GABRA2: variants seen among roughly 807,000 people sequenced by gnomAD.
GABRA2 encodes gamma-aminobutyric acid type A receptor subunit alpha2.
Under a neutral mutation model 48.7 loss-of-function variants are expected in GABRA2, and 16 were observed. The observed-to-expected ratio is 0.33, with a 90% CI of 0.22 to 0.50. GABRA2 has a LOEUF of 0.50. GABRA2 is among the 20% of genes least tolerant of loss of function. The probability of loss-of-function intolerance (pLI) is 0.98; values close to 1 mark genes in which losing one functional copy is unlikely to be tolerated. For synonymous variants in GABRA2, 185 were observed against 184.5 expected, an observed-to-expected ratio of 1.00 and a Z score of -0.02; for missense variants, 275 against 535.6, an observed-to-expected ratio of 0.51 and a Z score of 4.80.
chr4:46,275,399 T>A (rs1720289383), intron 8 of GABRA2, among the ~76,000 whole-genome samples: 1 of 152,078 alleles, frequency 6.6e-6, no homozygotes, highest in Admixed American at 6.6e-5. Context: ...TCACATCAAA[T>A]GAAACCAGTT....
intron 6 of GABRA2, among the ~76,000 whole-genome samples, chr4:46,307,940 A>G (rs184328539): frequency 6.6e-6 from 1 of 152,302 alleles, no homozygotes; most frequent in Admixed American, 6.5e-5. Context: ...GGTCATAATA[A>G]TGTTTCTCAA....
At chr4:46,336,379 T>C (rs1732239027) in intron 3 of GABRA2, among the ~76,000 whole-genome samples, 2 of 152,210 alleles carry the variant, frequency 1.3e-5, no homozygotes, top group African/African-American at 4.8e-5. Flanking sequence ...AGGGAAAGAA[T>C]GTACTTGAAG....
chr4:46,338,448 T>C (rs1732642735), intron 3 of GABRA2, among the ~76,000 whole-genome samples: 2 of 152,094 alleles, frequency 1.3e-5, no homozygotes, highest in African/African-American at 4.8e-5. Context: ...TTTTAGGTTA[T>C]TGCATTAGCC....
intron 4 of GABRA2, among the ~76,000 whole-genome samples, chr4:46,321,940 A>G (rs190583188): frequency 7.9e-5 from 12 of 152,094 alleles, no homozygotes; most frequent in Non-Finnish European, 1.8e-4. Flanking sequence ...TGGTGACTGC[A>G]ATAAGGAGGT....
Position 46,331,171 on chromosome 4 carries a change from C to A in GABRA2, c.255+1444G>T, listed in dbSNP as rs1578077325. On this transcript the variant is annotated intron_variant, in intron 4 of 9. Transcript: ENST00000381620. Reference sequence around the variant, plus strand: ...TCTTGTACCAGAATTGTGCCTAAGACCCAGAGTTGAAGGAGAAAAATAAAA... The same window carrying A: ...TCTTGTACCAGAATTGTGCCTAAGAACCAGAGTTGAAGGAGAAAAATAAAA... 3.9e-5 allele frequency among the ~76,000 whole-genome samples: 6 copies of A among 152,228 alleles called. No individual in the cohort carries two copies. The South Asian group carries it at 1.2e-3, about 32-fold the overall frequency.
intron 8 of GABRA2, among the ~76,000 whole-genome samples, chr4:46,279,081 A>G (rs1260257077): frequency 6.6e-6 from 1 of 152,050 alleles, no homozygotes; most frequent in East Asian, 1.9e-4. Flanking sequence ...TTAGTGTCAG[A>G]GTGACAGCAG....
intron 8 of GABRA2, among the ~76,000 whole-genome samples, chr4:46,284,443 A>C (rs1339378673): frequency 1.3e-5 from 2 of 152,200 alleles, no homozygotes; most frequent in African/African-American, 4.8e-5. Flanking sequence ...CTTTTTGTTC[A>C]AGGATGTAAA....
intron 3 of GABRA2, among the ~76,000 whole-genome samples, chr4:46,355,762 C>T (rs1242669059): frequency 6.6e-6 from 1 of 152,088 alleles, no homozygotes; most frequent in African/African-American, 2.4e-5. Flanking sequence ...TGTATGTTTT[C>T]CATCTTGCTT....
At chr4:46,362,408 C>A (rs1713353367) in intron 3 of GABRA2, among the ~76,000 whole-genome samples, 1 of 151,390 alleles carries the variant, frequency 6.6e-6, no homozygotes. Flanking sequence ...ACTGTAAGTC[C>A]ATTAAAGTCC....
chr4:46,289,915 T>TTA, intron 8 of GABRA2, among the ~76,000 whole-genome samples: 1 of 125,140 alleles, frequency 8.0e-6, no homozygotes, highest in South Asian at 2.2e-4. Flanking sequence ...TTATTTTTAT[T>TTA]TTTTTTTTTT....
Position 46,388,844 on chromosome 4 carries a change from G to T in GABRA2, c.-10-128C>A. 2.7e-6 allele frequency: 4 copies of T among 1,500,268 alleles called. No homozygotes were observed. In the Admixed American group the frequency reaches 9.3e-5, roughly 35 times the overall value. The allele number at this position is 1,500,268 out of a possible 1,614,324, so 92.9% of individuals were successfully genotyped here. On this transcript the variant is annotated intron_variant, in intron 1 of 9. Transcript: ENST00000381620. ...TTAAAGCTATGGAGATTACTTCCTGGACTCTGTGTAGGACTTGATGATTGA... is the reference window on the plus strand; with the variant it reads ...TTAAAGCTATGGAGATTACTTCCTGTACTCTGTGTAGGACTTGATGATTGA...
At chr4:46,262,454 A>C (rs2109353141) in intron 8 of GABRA2, among the ~76,000 whole-genome samples, 1 of 152,262 alleles carries the variant, frequency 6.6e-6, no homozygotes, top group East Asian at 1.9e-4. Context: ...TACAAGGAAA[A>C]GCAGGCACTT....
chr4:46,263,072 C>T (rs995044176), intron 8 of GABRA2, among the ~76,000 whole-genome samples: 14 of 151,522 alleles, frequency 9.2e-5, no homozygotes, highest in East Asian at 5.8e-4. Context: ...CAAATACACA[C>T]GTACATATAT....
intron 9 of GABRA2, 199 bp downstream of exon 9, chr4:46,261,727 G>T (rs1020090046): frequency 3.3e-6 from 2 of 615,034 alleles, no homozygotes; most frequent in Non-Finnish European, 5.7e-6. Flanking sequence ...CAGATGCTAC[G>T]GAGTGGTTTT....
intron 3 of GABRA2, among the ~76,000 whole-genome samples, chr4:46,385,714 T>C (rs1717355817): frequency 6.6e-6 from 1 of 152,098 alleles, no homozygotes; most frequent in Non-Finnish European, 1.5e-5. Flanking sequence ...CATGAAAATA[T>C]GATCAAAGAA....
At chr4:46,262,956 A>AAGAG (rs889064929) in intron 8 of GABRA2, among the ~76,000 whole-genome samples, 1,220 of 30,948 alleles carry the variant, frequency 0.039, 13 homozygotes, top group South Asian at 0.059. Context: ...GAAAGAAAGA[A>AAGAG]AGAGAGAGAG....
At chr4:46,324,133 G>T (rs1372407328) in intron 4 of GABRA2, among the ~76,000 whole-genome samples, 1 of 151,830 alleles carries the variant, frequency 6.6e-6, no homozygotes, top group Admixed American at 6.6e-5. Flanking sequence ...CCGCAATCTG[G>T]TTGCTTTTAC....
chr4:46,255,388 G>A (rs1715615153), intron 9 of GABRA2, among the ~76,000 whole-genome samples: 1 of 151,552 alleles, frequency 6.6e-6, no homozygotes, highest in Admixed American at 6.6e-5. Flanking sequence ...TCTCCTGAAT[G>A]TCTTCAATTT....
chr4:46,304,972 T>G (rs1001134493), intron 7 of GABRA2, among the ~76,000 whole-genome samples: 1 of 149,996 alleles, frequency 6.7e-6, no homozygotes, highest in Admixed American at 6.7e-5. Context: ...AAATTAAAAT[T>G]TACTACTCTG....
Sources: allele counts gnomAD v4.1 joint callset (sites outside exome capture counted in the v4.1 genomes callset), GRCh38; gene constraint gnomAD v4.1.1; transcripts MANE v1.5; gene names NCBI Gene and HGNC (gene_info 2026-07-23, HGNC 2026-07-21).